The following ZC3H13 variants were observed in gnomAD, a reference collection of about 807,000 sequenced individuals.
The protein encoded by ZC3H13 is zinc finger CCCH domain-containing protein 13.
A neutral mutation model predicts 204.1 loss-of-function variants in ZC3H13; 64 were observed. That is an observed-to-expected ratio of 0.31 (90% CI 0.26 to 0.39). ZC3H13 has a LOEUF of 0.39. Ranked by LOEUF, ZC3H13 falls within the 10% of genes least tolerant of loss-of-function variation. ZC3H13 has a pLI of 1.00. For missense variants in ZC3H13, 1,833 were observed against 2,082.7 expected, an observed-to-expected ratio of 0.88 and a Z score of 2.33; for synonymous variants, 667 against 693.7, an observed-to-expected ratio of 0.96 and a Z score of 0.60.
At chr13:46,035,107 G>A (rs2139045389) in intron 4 of ZC3H13, among the ~76,000 whole-genome samples, 1 of 152,276 alleles carries the variant, frequency 6.6e-6, no homozygotes, top group Middle Eastern at 3.4e-3. Context: ...GTGTGCATGT[G>A]TCTCAGAATA....
intron 8 of ZC3H13, among the ~76,000 whole-genome samples, chr13:45,996,666 T>G (rs1300637386): frequency 6.6e-6 from 1 of 152,030 alleles, no homozygotes; most frequent in Admixed American, 6.6e-5. Flanking sequence ...ATAACAGTAA[T>G]TATGCAGTTC....
rs770873020 is a variant in ZC3H13, at chr13:45,967,895, C to T, written c.3930G>A (p.Glu1310=). 4 of 1,613,954 alleles carry T rather than the reference C, an allele frequency of 2.5e-6. No individual in the cohort carries two copies. The highest frequency in any genetic ancestry group is 3.4e-6 in the Non-Finnish European group (4 of 1,179,996). ...TCGTATCTCTCCTCTCTCTCTCGCG[C>T]TCTCTGTCGTGTTCATATCGATCTC... ...QERDRYEHDR[E]RERERRDTRQ... Residue 1310 remains glutamate, a synonymous_variant, in exon 15 of 19, where the codon GAG becomes GAA. Coordinates refer to ENST00000679008, the MANE Select transcript of ZC3H13 (RefSeq NM_001330564.2).
intron 10 of ZC3H13, among the ~76,000 whole-genome samples, chr13:45,983,079 A>G (rs1157380774): frequency 6.6e-6 from 1 of 152,140 alleles, no homozygotes; most frequent in African/African-American, 2.4e-5. Flanking sequence ...GAAAAATTAC[A>G]TGTAGATTTG....
chr13:46,039,394 T>C (rs760190938), intron 4 of ZC3H13, among the ~76,000 whole-genome samples: 1 of 152,222 alleles, frequency 6.6e-6, no homozygotes, highest in Non-Finnish European at 1.5e-5. Flanking sequence ...GCCATTTCAA[T>C]ACCAGTATAT....
At chr13:46,028,406 G>A (rs1381551646) in intron 4 of ZC3H13, among the ~76,000 whole-genome samples, 1 of 152,178 alleles carries the variant, frequency 6.6e-6, no homozygotes, top group Non-Finnish European at 1.5e-5. Flanking sequence ...TAAATGGAAA[G>A]ATTCAGCAGG....
chr13:46,036,483 C>G (rs942651793), intron 4 of ZC3H13, among the ~76,000 whole-genome samples: 15 of 151,476 alleles, frequency 9.9e-5, no homozygotes, highest in African/African-American at 3.6e-4. Context: ...GGGTAGGAAA[C>G]ATAAACAAAT....
chr13:46,007,715 A>C (rs1416395711), intron 7 of ZC3H13, among the ~76,000 whole-genome samples: 2 of 152,230 alleles, frequency 1.3e-5, no homozygotes, highest in Non-Finnish European at 2.9e-5. Context: ...AAGATCTTCA[A>C]CATTTAAAAA....
At chr13:45,995,977 T>A (rs542227831) in intron 8 of ZC3H13, among the ~76,000 whole-genome samples, 109 of 152,354 alleles carry the variant, frequency 7.2e-4, no homozygotes, top group African/African-American at 2.5e-3. Context: ...GACCACAAAG[T>A]CCTACAACCT....
chr13:46,048,993 A>G (rs2044205328), intron 1 of ZC3H13, among the ~76,000 whole-genome samples: 1 of 151,960 alleles, frequency 6.6e-6, no homozygotes, highest in African/African-American at 2.4e-5. Context: ...CTCTACTAAA[A>G]ATACAAAAAT....
intron 10 of ZC3H13, among the ~76,000 whole-genome samples, chr13:45,980,700 C>T (rs896100739): frequency 5.9e-5 from 9 of 152,000 alleles, no homozygotes; most frequent in African/African-American, 1.5e-4. Context: ...ATTCCATTTA[C>T]GAGACAATTA....
Position 45,956,401 on chromosome 13 carries a change from A to G in ZC3H13, c.*726T>C, listed in dbSNP as rs928414659. On this transcript the variant is annotated 3_prime_UTR_variant, in exon 19 of 19. Transcript: ENST00000679008. Reference sequence around the variant, plus strand: ...GTAATGTTGATGACTAATGTTCTAGATCATCAGGAATAAGATTAACGAAGA... The same window carrying G: ...GTAATGTTGATGACTAATGTTCTAGGTCATCAGGAATAAGATTAACGAAGA... 1.3e-5 allele frequency: 2 copies of G among 152,206 alleles called. No homozygotes were observed. The highest frequency in any genetic ancestry group is 2.4e-5 in the African/African-American group (1 of 41,452). 9.4% of individuals were successfully genotyped at this position (152,206 alleles called of 1,614,324 possible).
At chr13:45,971,349 C>T (rs1347823670) in intron 12 of ZC3H13, among the ~76,000 whole-genome samples, 1 of 152,042 alleles carries the variant, frequency 6.6e-6, no homozygotes, top group Admixed American at 6.6e-5. Context: ...ACCAATGGAA[C>T]AGAATAGAAA....
intron 1 of ZC3H13, among the ~76,000 whole-genome samples, chr13:46,049,239 T>C (rs1022058712): frequency 4.0e-5 from 6 of 151,792 alleles, no homozygotes; most frequent in African/African-American, 1.5e-4. Context: ...CATCTGAGTA[T>C]GCGGTCTGGG....
intron 4 of ZC3H13, among the ~76,000 whole-genome samples, chr13:46,021,508 T>C (rs1174149068): frequency 1.1e-5 from 1 of 88,892 alleles, no homozygotes; most frequent in Non-Finnish European, 2.2e-5. Context: ...TTACTAATCA[T>C]AAAATTTGGC....
intron 12 of ZC3H13, among the ~76,000 whole-genome samples, chr13:45,970,913 T>C (rs902974134): frequency 1.3e-5 from 2 of 152,166 alleles, no homozygotes; most frequent in Non-Finnish European, 2.9e-5. Flanking sequence ...ATAACTACAT[T>C]AGTTATTACG....
At chr13:46,044,191 T>A (rs7491577) in intron 3 of ZC3H13, among the ~76,000 whole-genome samples, 49,165 of 149,128 alleles carry the variant, frequency 0.33, 8,220 homozygotes, top group Middle Eastern at 0.41. Flanking sequence ...AAAAAAAAAA[T>A]TCCAATTGCT....
chr13:45,975,416 C>T lies in ZC3H13; in HGVS notation c.2335G>A (p.Glu779Lys), dbSNP rs1952937333. The change falls in exon 12 of 19, where the codon GAA becomes AAA. Residue 779 changes from glutamate (E) to lysine (K), a missense_variant. Transcript: ENST00000679008. Reference protein sequence around the residue: ...ERERERERARERDKERERQRD... With the variant: ...ERERERERARKRDKERERQRD... ...TGGCGTTCTCGTTCTTTATCCCTTT[C>T]TCTCGCTCTTTCTCGTTCCCGTTCT... 1 of 1,614,054 alleles carries T rather than the reference C, an allele frequency of 6.2e-7. No homozygotes were observed. Among genetic ancestry groups the T allele is most frequent in the Admixed American group, 1.7e-5 (1 of 59,996 alleles).
At chr13:46,006,976 C>G (rs2041202938) in intron 7 of ZC3H13, among the ~76,000 whole-genome samples, 1 of 151,516 alleles carries the variant, frequency 6.6e-6, no homozygotes, top group Admixed American at 6.6e-5. Context: ...TCTTATGCAC[C>G]CTAACAGATA....
At chr13:45,989,461 C>T (rs192415016) in intron 8 of ZC3H13, among the ~76,000 whole-genome samples, 1 of 152,234 alleles carries the variant, frequency 6.6e-6, no homozygotes, top group African/African-American at 2.4e-5. Context: ...CAAACTATGG[C>T]AAAACATACT....
Sources: gnomAD v4.1 joint callset for allele counts (sites outside exome capture counted in the v4.1 genomes callset) on GRCh38, gnomAD v4.1.1 for gene constraint, MANE v1.5 for transcripts, NCBI Gene and HGNC (gene_info 2026-07-23, HGNC 2026-07-21) for gene names.